The following ZC3H18 variants were observed in gnomAD, a reference collection of about 807,000 sequenced individuals.
ZC3H18 encodes zinc finger CCCH domain-containing protein 18.
A neutral mutation model predicts 106.1 loss-of-function variants in ZC3H18; 8 were observed. The ratio of observed to expected loss-of-function variants is 0.08; its 90% confidence interval spans 0.04 to 0.14. ZC3H18 has a LOEUF of 0.14. ZC3H18 is among the 10% of genes least tolerant of loss of function. The pLI is 1.00. For missense variants in ZC3H18, 1,318 were observed against 1,278.4 expected (o/e 1.03, Z -0.47); for synonymous variants, 635 against 522.1 (o/e 1.22, Z -2.95).
At chr16:88,605,468 G>T (rs760388161) in intron 6 of ZC3H18, among the ~76,000 whole-genome samples, 1 of 152,250 alleles carries the variant, frequency 6.6e-6, no homozygotes, top group South Asian at 2.1e-4. Context: ...TGCTCCCTTT[G>T]TGAGCTGCCT....
chr16:88,627,479 G>A lies in ZC3H18; in HGVS notation c.2109-143G>A. ...TCCCTTACTTTGTAACCCTGAAACTGCCCAGTGTCCCCCCAAAATCACACA... is the reference window on the plus strand; with the variant it reads ...TCCCTTACTTTGTAACCCTGAAACTACCCAGTGTCCCCCCAAAATCACACA... On this transcript the variant is annotated intron_variant, in intron 13 of 17. Coordinates refer to ENST00000301011, the MANE Select transcript of ZC3H18 (RefSeq NM_144604.4). The surrounding 1 kb of genome is among the most constrained non-coding windows in gnomAD (Gnocchi z 4.5). 8.6e-7 allele frequency: 1 copy of A among 1,164,704 alleles called. No homozygotes were observed. The highest frequency in any genetic ancestry group is 1.2e-6 in the Non-Finnish European group (1 of 835,372). The allele number at this position is 1,164,704 out of a possible 1,614,324, so 72.1% of individuals were successfully genotyped here.
chr16:88,627,724 C>T lies in ZC3H18; in HGVS notation c.2211C>T (p.Ser737=). ...AGGACATGTACGCAGACCTGGCTAG[C>T]CCCGTGTCCTCAGCCAGCTCTCGGT... ...DSEDMYADLA[S]PVSSASSRSP... The change falls in exon 14 of 18, where the codon AGC becomes AGT. Residue 737 remains serine (S), a synonymous_variant. Transcript: ENST00000301011. The surrounding 1 kb of genome is among the most constrained non-coding windows in gnomAD (Gnocchi z 4.5). 6.2e-7 allele frequency: 1 copy of T among 1,613,518 alleles called. No individual in the cohort carries two copies. The highest frequency in any genetic ancestry group is 8.5e-7 in the Non-Finnish European group (1 of 1,179,744).
chr16:88,578,853 A>G (rs1914932516), intron 2 of ZC3H18, among the ~76,000 whole-genome samples: 1 of 151,982 alleles, frequency 6.6e-6, no homozygotes, highest in South Asian at 2.1e-4. Flanking sequence ...ACCACTGGCT[A>G]ATTTTTGTAT....
chr16:88,608,266 A>G (rs190011338), intron 6 of ZC3H18, among the ~76,000 whole-genome samples: 147 of 152,178 alleles, frequency 9.7e-4, no homozygotes, highest in Admixed American at 2.2e-3. Flanking sequence ...AGCTCCTCCT[A>G]TTCCCCAGTG....
In ZC3H18 at chr16:88,627,912, A is replaced by C. The variant is rs773782657; in HGVS notation, c.2270-8A>C. ...GTACCCCCATGACTGCGGATTTATC[A>C]TTGGTAGGAAAATCTAAGAAAGAAG... On this transcript the variant is annotated splice_region_variant and splice_polypyrimidine_tract_variant and intron_variant, in intron 14 of 17. Coordinates refer to ENST00000301011, the MANE Select transcript of ZC3H18 (RefSeq NM_144604.4). The surrounding 1 kb of genome is among the most constrained non-coding windows in gnomAD (Gnocchi z 4.5). 6.2e-7 allele frequency: 1 copy of C among 1,613,926 alleles called. No individual in the cohort carries two copies. Among genetic ancestry groups the C allele is most frequent in the South Asian group, 1.1e-5 (1 of 91,084 alleles).
chr16:88,624,343 C>T (rs2142816452), intron 11 of ZC3H18: 1 of 658,636 alleles, frequency 1.5e-6, no homozygotes, highest in Admixed American at 2.9e-5. Context: ...TCCTATTAGC[C>T]TGCTCTCCCC....
intron 7 of ZC3H18, chr16:88,609,355 C>G (rs909848551): frequency 5.0e-6 from 1 of 198,672 alleles, no homozygotes; most frequent in South Asian, 7.1e-5. Context: ...TGGAGTGCAG[C>G]GGTGCAATCT....
intron 8 of ZC3H18, among the ~76,000 whole-genome samples, chr16:88,616,637 G>A (rs1905626308): frequency 6.6e-6 from 1 of 152,226 alleles, no homozygotes; most frequent in African/African-American, 2.4e-5. Context: ...TTCAGGAGCA[G>A]CTGAATTCCC....
At chr16:88,619,518 C>A (rs1336445851) in intron 8 of ZC3H18, among the ~76,000 whole-genome samples, 1 of 152,168 alleles carries the variant, frequency 6.6e-6, no homozygotes, top group Non-Finnish European at 1.5e-5. Context: ...CTGACCCCTG[C>A]TGGGCCTGCC....
At chr16:88,603,878 C>T (rs1003544932) in intron 6 of ZC3H18, among the ~76,000 whole-genome samples, 12 of 151,360 alleles carry the variant, frequency 7.9e-5, no homozygotes, top group Non-Finnish European at 1.6e-4. Flanking sequence ...TGTGATCCAC[C>T]GGCCTTGGCC....
chr16:88,584,496 T>C (rs1429532912), intron 2 of ZC3H18, among the ~76,000 whole-genome samples: 2 of 152,066 alleles, frequency 1.3e-5, no homozygotes, highest in African/African-American at 4.8e-5. Flanking sequence ...TAGTTGAAAA[T>C]TCACAATATT....
chr16:88,576,399 C>T (rs1417226473), intron 1 of ZC3H18, among the ~76,000 whole-genome samples: 1 of 152,152 alleles, frequency 6.6e-6, no homozygotes, highest in African/African-American at 2.4e-5. Flanking sequence ...TGCCAGAGTT[C>T]TTTTCGACAG....
intron 8 of ZC3H18, among the ~76,000 whole-genome samples, chr16:88,616,490 T>C (rs563661711): frequency 6.6e-5 from 10 of 152,318 alleles, no homozygotes; most frequent in African/African-American, 2.4e-4. Flanking sequence ...GTCCCCGGTC[T>C]TGGCTTCACT....
chr16:88,623,423 C>G, intron 10 of ZC3H18, 79 bp downstream of exon 10: 2 of 1,561,458 alleles, frequency 1.3e-6, no homozygotes, highest in East Asian at 4.5e-5. Flanking sequence ...TTAGTTGTGG[C>G]GCCAGTAGCC....
intron 3 of ZC3H18, among the ~76,000 whole-genome samples, chr16:88,597,935 T>C (rs372792181): frequency 3.5e-4 from 54 of 152,348 alleles, no homozygotes; most frequent in African/African-American, 1.3e-3. Context: ...GACTTTGTGG[T>C]CACTCTGACC....
intron 3 of ZC3H18, among the ~76,000 whole-genome samples, chr16:88,596,082 C>CG (rs1188566127): frequency 3.9e-5 from 6 of 152,128 alleles, no homozygotes; most frequent in African/African-American, 1.4e-4. Context: ...TCAGCACCCC[C>CG]GGGCAGGTGG....
chr16:88,625,507 C>T (rs1012367464), intron 13 of ZC3H18: 6 of 551,146 alleles, frequency 1.1e-5, no homozygotes, highest in African/African-American at 3.8e-5. Flanking sequence ...CTCGGGGGCA[C>T]TCAGGTCAGG....
In ZC3H18 at chr16:88,611,355, AGGGAGCGCGAGCGAGAGC is replaced by A. The variant is rs751089011; in HGVS notation, c.1308_1325del (p.Glu437_Arg442del). On this transcript the variant is annotated inframe_deletion, in exon 8 of 18. Transcript: ENST00000301011. ...GGACCGAGAGCGGGAGCGCCGGCAG[AGGGAGCGCGAGCGAGAGC>A]GGGAGCGCGAGCGCGACAAGGAGCG... is the stretch of plus-strand genomic sequence containing the variant. 76 of 864,774 alleles carry A rather than the reference AGGGAGCGCGAGCGAGAGC, an allele frequency of 8.8e-5. No individual in the cohort carries two copies. The highest frequency in any genetic ancestry group is 2.7e-4 in the Middle Eastern group (1 of 3,676). The allele number at this position is 864,774 out of a possible 1,614,324, so 53.6% of individuals were successfully genotyped here.
At chr16:88,603,358 C>T (rs1266250040) in intron 6 of ZC3H18, among the ~76,000 whole-genome samples, 10 of 151,350 alleles carry the variant, frequency 6.6e-5, no homozygotes, top group Admixed American at 3.3e-4. Context: ...CGGTGGCTCA[C>T]GCCTGTAATC....
Sources: gnomAD v4.1 joint callset for allele counts (sites outside exome capture counted in the v4.1 genomes callset) on GRCh38, gnomAD v4.1.1 for gene constraint, Gnocchi (gnomAD v3.1) non-coding constraint, MANE v1.5 for transcripts, NCBI Gene and HGNC (gene_info 2026-07-23, HGNC 2026-07-21) for gene names.